Variants in PARD3B observed in about 807,000 individuals in gnomAD.
The protein encoded by PARD3B is partitioning defective 3 homolog B.
A neutral mutation model predicts 130.2 loss-of-function variants in PARD3B; 103 were observed. The observed-to-expected ratio is 0.79, with a 90% CI of 0.67 to 0.93. The LOEUF is 0.93. Among genes scored for constraint, PARD3B ranks in the 40% least tolerant of loss-of-function variants. PARD3B has a pLI of 0.00. For missense variants in PARD3B, 1,609 were observed against 1,499.2 expected, an observed-to-expected ratio of 1.07 and a Z score of -1.21; for synonymous variants, 583 against 553.2, an observed-to-expected ratio of 1.05 and a Z score of -0.76.
Position 205,495,263 on chromosome 2 carries a change from T to C in PARD3B, c.3045-4633T>C, listed in dbSNP as rs148267470. On this transcript the variant is annotated intron_variant, in intron 20 of 22. Transcript: ENST00000406610. ...TTAAAGGCATAAGCAATGTAATTTA[T>C]TTTTAAAATCATTACAATATACATC... is the stretch of plus-strand genomic sequence containing the variant. Among the ~76,000 whole-genome samples the C allele has an allele frequency of 1.1e-4, 17 of 152,346 alleles. No homozygotes were observed. In the East Asian group the frequency reaches 1.9e-3, roughly 17 times the overall value.
chr2:205,092,249 A>G (rs1277100694), intron 4 of PARD3B, among the ~76,000 whole-genome samples: 1 of 152,140 alleles, frequency 6.6e-6, no homozygotes, highest in East Asian at 1.9e-4. Flanking sequence ...GTGGACAATG[A>G]AAAGGGAATA....
At chr2:204,815,505 A>G (rs188282008) in intron 2 of PARD3B, among the ~76,000 whole-genome samples, 296 of 151,904 alleles carry the variant, frequency 1.9e-3, no homozygotes, top group Non-Finnish European at 2.9e-3. Flanking sequence ...TATTTTCTGT[A>G]TTATTTCTGC....
intron 2 of PARD3B, among the ~76,000 whole-genome samples, chr2:204,770,726 T>C (rs2041334541): frequency 6.6e-6 from 1 of 152,002 alleles, no homozygotes; most frequent in South Asian, 2.1e-4. Flanking sequence ...TCATACCTAC[T>C]GACATCCCCT....
intron 1 of PARD3B, among the ~76,000 whole-genome samples, chr2:204,599,727 G>T (rs2125103902): frequency 6.6e-6 from 1 of 151,948 alleles, no homozygotes; most frequent in East Asian, 1.9e-4. Context: ...TGGATCATAT[G>T]GTAGTTCTAT....
rs561610997 is a variant in PARD3B at position 205,371,747 on chromosome 2, G to A, written c.2631-29266G>A. Among the ~76,000 whole-genome samples, 171 of 152,200 alleles carry A rather than the reference G, an allele frequency of 1.1e-3. 1 individual carries two copies. The South Asian group carries it at 0.025, about 22-fold the overall frequency. The stretch of plus-strand genomic sequence containing the variant: ...AATTCACATGCCATAAAATTCAACC[G>A]TTTGAAGTGTAGAATCCAGTGGTTT... On this transcript the variant is annotated intron_variant, in intron 18 of 22. Coordinates refer to ENST00000406610, the MANE Select transcript of PARD3B (RefSeq NM_001302769.2).
At chr2:205,216,236 C>T (rs867525070) in intron 15 of PARD3B, among the ~76,000 whole-genome samples, 1 of 152,082 alleles carries the variant, frequency 6.6e-6, no homozygotes, top group East Asian at 1.9e-4. Context: ...TAGGCTAGGC[C>T]ATATAGCCTA....
chr2:204,996,946 T>G (rs575409890), intron 3 of PARD3B, among the ~76,000 whole-genome samples: 6 of 151,964 alleles, frequency 3.9e-5, no homozygotes, highest in African/African-American at 1.5e-4. Flanking sequence ...GGCTCGCACA[T>G]GGTGCGCGCA....
chr2:204,722,571 T>G (rs1488478417), intron 2 of PARD3B, among the ~76,000 whole-genome samples: 1 of 152,232 alleles, frequency 6.6e-6, no homozygotes, highest in Non-Finnish European at 1.5e-5. Flanking sequence ...ATACATTTCT[T>G]GACTAGCGAG....
In PARD3B at chr2:205,238,849, A is replaced by AAAAAATATAT. The variant is rs1273582854; in HGVS notation, c.2141-6928_2141-6927insAAAATATATA. ...AAACTCCGTTTCAAAAAAAAAAAAA[A>AAAAAATATAT]ATATATATATATATATATATATATA... On this transcript the variant is annotated intron_variant, in intron 15 of 22. Coordinates refer to ENST00000406610, the MANE Select transcript of PARD3B (RefSeq NM_001302769.2). Among the ~76,000 whole-genome samples, 12 of 76,904 alleles carry AAAAAATATAT rather than the reference A, an allele frequency of 1.6e-4. 1 individual carries two copies. Among genetic ancestry groups the AAAAAATATAT allele is most frequent in the Non-Finnish European group, 2.8e-4 (12 of 43,326 alleles). 50.5% of individuals were successfully genotyped at this position (76,904 alleles called of 152,430 possible).
At chr2:205,554,287 A>G (rs2052782406) in intron 22 of PARD3B, among the ~76,000 whole-genome samples, 1 of 152,186 alleles carries the variant, frequency 6.6e-6, no homozygotes, top group Non-Finnish European at 1.5e-5. Context: ...TAAAGTGCCA[A>G]CTCAGAGATG....
At chr2:204,648,678 A>T (rs1260548025) in intron 1 of PARD3B, among the ~76,000 whole-genome samples, 3 of 102,924 alleles carry the variant, frequency 2.9e-5, no homozygotes, top group African/African-American at 1.2e-4. Context: ...ATATCATATA[A>T]ATAATATATA....
chr2:205,495,464 A>G (rs988849190), intron 20 of PARD3B, among the ~76,000 whole-genome samples: 68 of 152,330 alleles, frequency 4.5e-4, no homozygotes, highest in African/African-American at 1.6e-3. Flanking sequence ...TGTTAAACTA[A>G]CAATGTGGAG....
chr2:205,305,419 C>T (rs1238209020), intron 18 of PARD3B, among the ~76,000 whole-genome samples: 2 of 152,174 alleles, frequency 1.3e-5, no homozygotes, highest in South Asian at 2.1e-4. Flanking sequence ...CAGATTGGGA[C>T]AGATGTCCCA....
chr2:205,098,661 G>C (rs1189336531), intron 4 of PARD3B, among the ~76,000 whole-genome samples: 1 of 152,120 alleles, frequency 6.6e-6, no homozygotes, highest in African/African-American at 2.4e-5. Flanking sequence ...GGTACTAACT[G>C]TGAAATATGA....
chr2:205,279,697 G>A (rs1404453399), intron 16 of PARD3B, among the ~76,000 whole-genome samples: 2 of 152,100 alleles, frequency 1.3e-5, no homozygotes, highest in African/African-American at 2.4e-5. Context: ...GTCTCCAAGC[G>A]GGAAAGGTTG....
chr2:204,666,768 G>A (rs1048655680), intron 1 of PARD3B, among the ~76,000 whole-genome samples: 1 of 152,126 alleles, frequency 6.6e-6, no homozygotes, highest in African/African-American at 2.4e-5. Context: ...TTTTGGGCAT[G>A]TAGGTTTAGG....
chr2:205,407,269 G>C lies in PARD3B; in HGVS notation c.2741+6146G>C, dbSNP rs538033437. Reference sequence around the variant, plus strand: ...CCTGTTACAAGTCAAACAGTCTATTGCAATGAAGCCCTGCATTAAATAAAC... The same window carrying C: ...CCTGTTACAAGTCAAACAGTCTATTCCAATGAAGCCCTGCATTAAATAAAC... On this transcript the variant is annotated intron_variant, in intron 19 of 22. Transcript: ENST00000406610. The surrounding 1 kb of genome is among the most constrained non-coding windows in gnomAD (Gnocchi z 4.1). Among the ~76,000 whole-genome samples the C allele has an allele frequency of 6.6e-6, 1 of 152,108 alleles. No homozygotes were observed. The highest frequency in any genetic ancestry group is 2.1e-4 in the South Asian group (1 of 4,816).
intron 2 of PARD3B, among the ~76,000 whole-genome samples, chr2:204,747,117 C>T (rs898637425): frequency 1.8e-3 from 271 of 152,194 alleles, no homozygotes; most frequent in African/African-American, 5.9e-3. Flanking sequence ...TTAGGTCTAA[C>T]GTTTAAGTCT....
Position 205,550,870 on chromosome 2 carries a change from ATATGTATATTTG to A in PARD3B, c.3181-2444_3181-2433del, listed in dbSNP as rs1427198469. ...ATTTTATATGTATATTTGTATGTAT[ATATGTATATTTG>A]TATGTATATATACATAATCATGTTA... On this transcript the variant is annotated intron_variant, in intron 21 of 22. Transcript: ENST00000406610. This position sits in a 1 kb window ranked among gnomAD's most constrained non-coding sequence, Gnocchi z 4.5. Among the ~76,000 whole-genome samples, 1 of 147,974 alleles carries A rather than the reference ATATGTATATTTG, an allele frequency of 6.8e-6. No individual in the cohort carries two copies. The highest frequency in any genetic ancestry group is 1.5e-5 in the Non-Finnish European group (1 of 67,300).
Sources: allele counts gnomAD v4.1 joint callset (sites outside exome capture counted in the v4.1 genomes callset), GRCh38; gene constraint gnomAD v4.1.1; non-coding constraint Gnocchi (gnomAD v3.1); transcripts MANE v1.5; gene names NCBI Gene and HGNC (gene_info 2026-07-23, HGNC 2026-07-21).